ADAMTS2: variants seen among roughly 807,000 people sequenced by gnomAD.
The protein encoded by ADAMTS2 is A disintegrin and metalloproteinase with thrombospondin motifs 2.
A neutral mutation model predicts 123.0 loss-of-function variants in ADAMTS2; 50 were observed. That is an observed-to-expected ratio of 0.41 (90% CI 0.32 to 0.51). ADAMTS2 has a LOEUF of 0.51. Ranked by LOEUF, ADAMTS2 falls within the 20% of genes least tolerant of loss-of-function variation. The pLI is 0.35. For synonymous variants in ADAMTS2, 678 were observed against 695.4 expected (o/e 0.98, Z 0.39); for missense variants, 1,494 against 1,705.2 (o/e 0.88, Z 2.18).
chr5:179,280,935 G>A lies in ADAMTS2; in HGVS notation c.535-7871C>T, dbSNP rs145225815. Among the ~76,000 whole-genome samples, 814 of 152,156 alleles carry A rather than the reference G, an allele frequency of 5.3e-3. 7 individuals carry two copies. Among genetic ancestry groups the A allele is most frequent in the African/African-American group, 0.019 (780 of 41,504 alleles). On this transcript the variant is annotated intron_variant, in intron 2 of 21. Transcript: ENST00000251582. Reference sequence around the variant, plus strand: ...TGCAGTGGCGCAACCTCAGCTCACTGCAAACTCTGCCTCCCATTTTTAAGC... The same window carrying A: ...TGCAGTGGCGCAACCTCAGCTCACTACAAACTCTGCCTCCCATTTTTAAGC...
chr5:179,267,208 G>T (rs1332754792), intron 3 of ADAMTS2, among the ~76,000 whole-genome samples: 1 of 152,186 alleles, frequency 6.6e-6, no homozygotes. Flanking sequence ...TGGAGACTGT[G>T]GGTCAGGAGG....
intron 4 of ADAMTS2, among the ~76,000 whole-genome samples, chr5:179,184,510 A>T (rs1326381400): frequency 2.2e-5 from 2 of 90,156 alleles, no homozygotes; most frequent in South Asian, 3.1e-4. Context: ...GACTCTGTCT[A>T]AAAAAAAAAA....
chr5:179,158,664 A>C lies in ADAMTS2; in HGVS notation c.1132+59T>G. 2 of 1,611,862 alleles carry C rather than the reference A, an allele frequency of 1.2e-6. No individual in the cohort carries two copies. Among genetic ancestry groups the C allele is most frequent in the Non-Finnish European group, 1.7e-6 (2 of 1,179,002 alleles). ...GGCCAAGGCTCCCGGGGCCCCTTGCATGGCCAGGGGCTCATTTCCAGCTTC... is the reference window on the plus strand; with the variant it reads ...GGCCAAGGCTCCCGGGGCCCCTTGCCTGGCCAGGGGCTCATTTCCAGCTTC... On this transcript the variant is annotated intron_variant, in intron 6 of 21. Coordinates refer to ENST00000251582, the MANE Select transcript of ADAMTS2 (RefSeq NM_014244.5). The surrounding 1 kb of genome is among the most constrained non-coding windows in gnomAD (Gnocchi z 5.0).
In ADAMTS2 at chr5:179,132,370, AC is replaced by A; in HGVS notation, c.2210-61del. On this transcript the variant is annotated intron_variant, in intron 14 of 21. Coordinates refer to ENST00000251582, the MANE Select transcript of ADAMTS2 (RefSeq NM_014244.5). This position sits in a 1 kb window ranked among gnomAD's most constrained non-coding sequence, Gnocchi z 6.1. ...AAGGGAAGGCGCCGCTCAAATTCGCACCATGCAAGGAGGGGCCTCGCTCTTG... is the reference window on the plus strand; with the variant it reads ...AAGGGAAGGCGCCGCTCAAATTCGCACATGCAAGGAGGGGCCTCGCTCTTG... 6.6e-7 allele frequency: 1 copy of A among 1,524,514 alleles called. No individual in the cohort carries two copies. The highest frequency in any genetic ancestry group is 1.1e-5 in the South Asian group (1 of 88,356). The allele number at this position is 1,524,514 out of a possible 1,614,324, so 94.4% of individuals were successfully genotyped here. A position where few individuals can be genotyped will look rare whatever the true frequency, so the allele number is the denominator to read the frequency against.
In ADAMTS2 at chr5:179,202,655, A is replaced by T. The variant is rs1764595272; in HGVS notation, c.891+4858T>A. 6.6e-6 allele frequency among the ~76,000 whole-genome samples: 1 copy of T among 150,652 alleles called. No individual in the cohort carries two copies. The highest frequency in any genetic ancestry group is 1.5e-5 in the Non-Finnish European group (1 of 67,554). On this transcript the variant is annotated intron_variant, in intron 4 of 21. Transcript: ENST00000251582. The surrounding 1 kb of genome is among the most constrained non-coding windows in gnomAD (Gnocchi z 4.0). ...AACGGCAGCCAGGGGCACCAGACAGAGGAGGATGGCTATGCCGAGAATCCA... is the reference window on the plus strand; with the variant it reads ...AACGGCAGCCAGGGGCACCAGACAGTGGAGGATGGCTATGCCGAGAATCCA...
Position 179,139,825 on chromosome 5 carries a change from G to C in ADAMTS2, c.1775+65C>G, listed in dbSNP as rs186372897. On this transcript the variant is annotated intron_variant, in intron 11 of 21. Transcript: ENST00000251582. ...AGGGCCCTCCAGGACAGGGCTGGCT[G>C]GAGAGGGTCTCCTGGACCCTCAGCT... 1.5e-4 allele frequency: 243 copies of C among 1,604,592 alleles called. No homozygotes were observed. In the African/African-American group the frequency reaches 2.9e-3, roughly 19 times the overall value.
rs908762976 is a variant in ADAMTS2, at chr5:179,260,674, C to A, written c.688+12237G>T. 6.6e-6 allele frequency among the ~76,000 whole-genome samples: 1 copy of A among 152,170 alleles called. No homozygotes were observed. Among genetic ancestry groups the A allele is most frequent in the East Asian group, 1.9e-4 (1 of 5,196 alleles). ...CTGTTTCTACAGCTTACTATCTGTG[C>A]GACCGTCGGCACCTCAGTTTCCTCA... On this transcript the variant is annotated intron_variant, in intron 3 of 21. Transcript: ENST00000251582. This position sits in a 1 kb window ranked among gnomAD's most constrained non-coding sequence, Gnocchi z 4.2.
At chr5:179,192,219 G>T (rs1764321331) in intron 4 of ADAMTS2, among the ~76,000 whole-genome samples, 1 of 152,234 alleles carries the variant, frequency 6.6e-6, no homozygotes. Context: ...GACCTGGGCA[G>T]GGGCCCCCAA....
chr5:179,265,566 G>A (rs1182842767), intron 3 of ADAMTS2, among the ~76,000 whole-genome samples: 4 of 152,192 alleles, frequency 2.6e-5, no homozygotes, highest in East Asian at 1.9e-4. Context: ...ACAGGGCAGC[G>A]CTCTGAGCAG....
intron 21 of ADAMTS2, 83 bp from the exon 22 acceptor site, chr5:179,114,407 A>G: frequency 7.1e-7 from 1 of 1,404,940 alleles, no homozygotes; most frequent in African/African-American, 1.4e-5. Flanking sequence ...TTGCTGGAGG[A>G]GGCATATGGA....
At chr5:179,227,243 G>A (rs759958239) in intron 3 of ADAMTS2, among the ~76,000 whole-genome samples, 2 of 152,182 alleles carry the variant, frequency 1.3e-5, no homozygotes, top group Non-Finnish European at 2.9e-5. Flanking sequence ...GGAGGGGGAT[G>A]AGGACAGCAA....
At chr5:179,330,014 T>G (rs372808858) in intron 2 of ADAMTS2, among the ~76,000 whole-genome samples, 223 of 151,196 alleles carry the variant, frequency 1.5e-3, no homozygotes, top group African/African-American at 5.2e-3. Context: ...TAGTCCCAGC[T>G]ACTCGGGAGG....
chr5:179,302,567 G>A (rs901110684), intron 2 of ADAMTS2, among the ~76,000 whole-genome samples: 16 of 151,936 alleles, frequency 1.1e-4, no homozygotes, highest in African/African-American at 3.9e-4. Flanking sequence ...CAGCAGCACC[G>A]ATAGATGTGG....
At chr5:179,195,317 C>T (rs1018024691) in intron 4 of ADAMTS2, among the ~76,000 whole-genome samples, 3 of 152,048 alleles carry the variant, frequency 2.0e-5, no homozygotes, top group African/African-American at 7.2e-5. Flanking sequence ...CGGGAGTTGG[C>T]ACTGACCAGC....
rs1351121754 is a variant in ADAMTS2 at position 179,225,884 on chromosome 5, G to A, written c.689-18169C>T. On this transcript the variant is annotated intron_variant, in intron 3 of 21. Transcript: ENST00000251582. This position sits in a 1 kb window ranked among gnomAD's most constrained non-coding sequence, Gnocchi z 4.5. ...GATACAGAAAGCCCTCTGTCCTTGCGACAAGGTAGAGGGTCTAACTGAGCT... is the reference window on the plus strand; with the variant it reads ...GATACAGAAAGCCCTCTGTCCTTGCAACAAGGTAGAGGGTCTAACTGAGCT... Among the ~76,000 whole-genome samples the A allele has an allele frequency of 5.9e-5, 9 of 152,198 alleles. No individual in the cohort carries two copies. Among genetic ancestry groups the A allele is most frequent in the East Asian group, 1.9e-4 (1 of 5,190 alleles).
rs1764156311 is a variant in ADAMTS2 at position 179,185,596 on chromosome 5, T to C, written c.892-4441A>G. Among the ~76,000 whole-genome samples, 2 of 152,126 alleles carry C rather than the reference T, an allele frequency of 1.3e-5. No homozygotes were observed. Among genetic ancestry groups the C allele is most frequent in the Admixed American group, 1.3e-4 (2 of 15,282 alleles). ...ATTGAGCAGATCTAATCCTGCTCCCTGATTTGGGACAGGAGGTGACCAACC... is the reference window on the plus strand; with the variant it reads ...ATTGAGCAGATCTAATCCTGCTCCCCGATTTGGGACAGGAGGTGACCAACC... On this transcript the variant is annotated intron_variant, in intron 4 of 21. Transcript: ENST00000251582. This position sits in a 1 kb window ranked among gnomAD's most constrained non-coding sequence, Gnocchi z 5.9.
At chr5:179,196,021 G>A (rs1481823998) in intron 4 of ADAMTS2, among the ~76,000 whole-genome samples, 4 of 152,150 alleles carry the variant, frequency 2.6e-5, no homozygotes, top group Non-Finnish European at 5.9e-5. Context: ...GCCAGTTTAC[G>A]AGATTTCCAC....
At position 179,312,289 on chromosome 5, in the gene ADAMTS2, C is replaced by T. The variant is rs976800402; in HGVS notation, c.534+31478G>A. ...GAATGTTTATATTCCCCCCAAATTCCGATGTTGAAAGCTACTCCCCCAAGG... is the reference window on the plus strand; with the variant it reads ...GAATGTTTATATTCCCCCCAAATTCTGATGTTGAAAGCTACTCCCCCAAGG... On this transcript the variant is annotated intron_variant, in intron 2 of 21. Transcript: ENST00000251582. The surrounding 1 kb of genome is among the most constrained non-coding windows in gnomAD (Gnocchi z 4.2). Among the ~76,000 whole-genome samples, 1 of 152,106 alleles carries T rather than the reference C, an allele frequency of 6.6e-6. No individual in the cohort carries two copies. The highest frequency in any genetic ancestry group is 2.1e-4 in the South Asian group (1 of 4,826).
At chr5:179,297,595 G>A (rs998066686) in intron 2 of ADAMTS2, among the ~76,000 whole-genome samples, 9 of 151,946 alleles carry the variant, frequency 5.9e-5, no homozygotes, top group African/African-American at 1.7e-4. Flanking sequence ...TCAAGACCCC[G>A]GCTTCCCTCT....
Sources: gnomAD v4.1 joint callset for allele counts (sites outside exome capture counted in the v4.1 genomes callset) on GRCh38, gnomAD v4.1.1 for gene constraint, Gnocchi (gnomAD v3.1) non-coding constraint, MANE v1.5 for transcripts, NCBI Gene and HGNC (gene_info 2026-07-23, HGNC 2026-07-21) for gene names.